MYO18B: variants seen among roughly 807,000 people sequenced by gnomAD.
MYO18B encodes myosin XVIIIB.
In MYO18B, 204 loss-of-function variants were observed where a neutral mutation model predicts 273.0. The ratio of observed to expected loss-of-function variants is 0.75; its 90% confidence interval spans 0.67 to 0.84. The LOEUF (loss-of-function observed/expected upper bound fraction) is 0.84, where lower values mean the gene tolerates loss of function less well. Ranked by LOEUF, MYO18B falls within the 40% of genes least tolerant of loss-of-function variation. The pLI, the probability that MYO18B is intolerant of heterozygous loss-of-function variation, is 0.00. For missense variants in MYO18B, 3,212 were observed against 3,287.6 expected, an observed-to-expected ratio of 0.98 and a Z score of 0.56; for synonymous variants, 1,330 against 1,305.7, an observed-to-expected ratio of 1.02 and a Z score of -0.40.
At chr22:25,844,134 A>C (rs1286341168) in intron 18 of MYO18B, among the ~76,000 whole-genome samples, 8 of 152,208 alleles carry the variant, frequency 5.3e-5, no homozygotes, top group African/African-American at 1.9e-4. Flanking sequence ...CAAAAGCTAA[A>C]AAGCTGTGAC....
At chr22:25,769,546 T>TC (rs2145591669) in intron 4 of MYO18B, 118 bp downstream of exon 4, 1 of 954,610 alleles carries the variant, frequency 1.0e-6, no homozygotes, top group Admixed American at 3.0e-5. Flanking sequence ...GGGCAGGGAA[T>TC]TGGAGAGGGG....
intron 1 of MYO18B, among the ~76,000 whole-genome samples, chr22:25,753,706 G>A (rs2086019008): frequency 6.6e-6 from 1 of 152,150 alleles, no homozygotes; most frequent in African/African-American, 2.4e-5. Flanking sequence ...CTCCAGACGC[G>A]GTGCCTTTAA....
Position 25,763,409 on chromosome 22 carries a change from G to A in MYO18B, c.198+20G>A, listed in dbSNP as rs963032405. On this transcript the variant is annotated intron_variant, in intron 3 of 43. Transcript: ENST00000335473. ...CGAGAGGTAAGTGGTTCCTAAGAAG[G>A]AGGACCGTATGCGTTTCCATACCCA... 2.5e-6 allele frequency: 4 copies of A among 1,601,074 alleles called. No individual in the cohort carries two copies. Among genetic ancestry groups the A allele is most frequent in the Non-Finnish European group, 3.4e-6 (4 of 1,177,058 alleles).
At chr22:25,762,720 T>A (rs1386139037) in intron 2 of MYO18B, among the ~76,000 whole-genome samples, 1 of 152,276 alleles carries the variant, frequency 6.6e-6, no homozygotes, top group Non-Finnish European at 1.5e-5. Flanking sequence ...GTCAGGTCCT[T>A]ATATAAGTCA....
In MYO18B at chr22:25,949,493, A is replaced by G. The variant is rs1251644206; in HGVS notation, c.5749-874A>G. 2.0e-5 allele frequency among the ~76,000 whole-genome samples: 3 copies of G among 152,218 alleles called. No homozygotes were observed. In the East Asian group the frequency reaches 5.8e-4, roughly 29 times the overall value. Reference sequence around the variant, plus strand: ...ACATAATGACTGCATAATGGGGAGAACAGCTCCCTCCTTGCAATACACCAT... The same window carrying G: ...ACATAATGACTGCATAATGGGGAGAGCAGCTCCCTCCTTGCAATACACCAT... On this transcript the variant is annotated intron_variant, in intron 36 of 43. Coordinates refer to ENST00000335473, the MANE Select transcript of MYO18B (RefSeq NM_032608.7).
At chr22:25,820,633 T>C (rs1474682398) in intron 12 of MYO18B, among the ~76,000 whole-genome samples, 1 of 152,210 alleles carries the variant, frequency 6.6e-6, no homozygotes, top group Non-Finnish European at 1.5e-5. Context: ...GGGTAATTAG[T>C]GTATCCATCA....
intron 13 of MYO18B, among the ~76,000 whole-genome samples, chr22:25,824,102 C>T (rs893560536): frequency 1.5e-4 from 23 of 152,222 alleles, no homozygotes; most frequent in African/African-American, 4.3e-4. Context: ...AGGTGTGGTC[C>T]GCTCACTAAG....
chr22:25,946,317 C>T, intron 35 of MYO18B, 67 bp downstream of exon 35: 1 of 1,093,214 alleles, frequency 9.1e-7, no homozygotes, highest in South Asian at 1.4e-5. Flanking sequence ...TAGTGTGGGC[C>T]TAGTGTGCGC....
chr22:25,988,959 G>A (rs1002391906), intron 39 of MYO18B, among the ~76,000 whole-genome samples: 15 of 152,108 alleles, frequency 9.9e-5, no homozygotes, highest in Non-Finnish European at 2.1e-4. Flanking sequence ...TGATATTGTG[G>A]ATTTGACTCA....
At chr22:25,908,688 G>T (rs577885949) in intron 32 of MYO18B, among the ~76,000 whole-genome samples, 2 of 152,288 alleles carry the variant, frequency 1.3e-5, no homozygotes, top group South Asian at 2.1e-4. Flanking sequence ...CTAAGTCCCC[G>T]TAATGCCATG....
chr22:26,018,370 C>T (rs907385035), intron 42 of MYO18B, among the ~76,000 whole-genome samples: 1 of 152,072 alleles, frequency 6.6e-6, no homozygotes, highest in Non-Finnish European at 1.5e-5. Flanking sequence ...GCTAATGTCA[C>T]CTCCTCCTCA....
intron 7 of MYO18B, among the ~76,000 whole-genome samples, chr22:25,776,440 A>G (rs1288907142): frequency 2.6e-5 from 4 of 152,218 alleles, no homozygotes; most frequent in African/African-American, 9.6e-5. Context: ...TCTACTAAAA[A>G]TACAAAAATT....
At chr22:25,847,936 A>AAC (rs1331432450) in intron 20 of MYO18B, among the ~76,000 whole-genome samples, 17 of 123,438 alleles carry the variant, frequency 1.4e-4, no homozygotes, top group South Asian at 8.8e-4. Flanking sequence ...TTCTTCTGAA[A>AAC]ACACACACAC....
intron 33 of MYO18B, among the ~76,000 whole-genome samples, chr22:25,911,449 G>A (rs1234292170): frequency 2.6e-5 from 4 of 152,222 alleles, no homozygotes; most frequent in African/African-American, 9.6e-5. Context: ...GCTCCAGAGG[G>A]ACCACTTCTG....
At chr22:25,858,829 A>G (rs1170478339) in intron 21 of MYO18B, among the ~76,000 whole-genome samples, 1 of 152,184 alleles carries the variant, frequency 6.6e-6, no homozygotes, top group Non-Finnish European at 1.5e-5. Context: ...GGGATGCTTC[A>G]CTGAATGAAT....
intron 9 of MYO18B, among the ~76,000 whole-genome samples, chr22:25,780,954 A>T (rs904376732): frequency 3.3e-5 from 5 of 152,142 alleles, no homozygotes; most frequent in African/African-American, 1.2e-4. Flanking sequence ...TCCCTCAAAC[A>T]TCCTGTTTGA....
In MYO18B at chr22:25,955,329, C is replaced by A. The variant is rs769227905; in HGVS notation, c.6121C>A (p.Arg2041=). ...LKADMEELVQ[R]EAEASRRCME... is the part of the protein sequence containing the mutation. Reference sequence around the variant, plus strand: ...GGCCGACATGGAAGAGCTGGTGCAGCGGGAGGCAGAGGCCAGCCGGCGGTG... The same window carrying A: ...GGCCGACATGGAAGAGCTGGTGCAGAGGGAGGCAGAGGCCAGCCGGCGGTG... The change falls in exon 39 of 44, where the codon CGG becomes AGG. Residue 2041 remains arginine, a synonymous_variant. Transcript: ENST00000335473. 2.0e-5 allele frequency: 33 copies of A among 1,613,484 alleles called. No homozygotes were observed. The highest frequency in any genetic ancestry group is 2.7e-5 in the Non-Finnish European group (32 of 1,179,750).
chr22:25,992,632 A>G, intron 40 of MYO18B, 139 bp downstream of exon 40: 1 of 1,152,552 alleles, frequency 8.7e-7, no homozygotes, highest in East Asian at 2.5e-5. Flanking sequence ...CCCCTCGTTT[A>G]CTTGGGTAAG....
At chr22:25,977,457 G>C (rs1450383464) in intron 39 of MYO18B, among the ~76,000 whole-genome samples, 5 of 152,296 alleles carry the variant, frequency 3.3e-5, no homozygotes, top group Admixed American at 6.5e-5. Flanking sequence ...GTCACATTGG[G>C]AGTAGTGGTT....
Sources: gnomAD v4.1 joint callset for allele counts (sites outside exome capture counted in the v4.1 genomes callset) on GRCh38, gnomAD v4.1.1 for gene constraint, MANE v1.5 for transcripts, NCBI Gene and HGNC (gene_info 2026-07-23, HGNC 2026-07-21) for gene names.